LURAP1L: variants seen among roughly 807,000 people sequenced by gnomAD.
The protein encoded by LURAP1L is leucine rich adaptor protein 1-like.
A neutral mutation model predicts 13.8 loss-of-function variants in LURAP1L; 12 were observed. That is an observed-to-expected ratio of 0.87 (90% CI 0.56 to 1.41). LURAP1L has a LOEUF of 1.41. Among genes scored for constraint, LURAP1L ranks in the 40% most tolerant of loss-of-function variants. LURAP1L has a pLI of 0.00. For synonymous variants in LURAP1L, 139 were observed against 119.2 expected, an observed-to-expected ratio of 1.17 and a Z score of -1.08; for missense variants, 375 against 292.9, an observed-to-expected ratio of 1.28 and a Z score of -2.04.
chr9:12,783,519 T>G (rs1027524369), intron 1 of LURAP1L, among the ~76,000 whole-genome samples: 1 of 152,236 alleles, frequency 6.6e-6, no homozygotes, highest in African/African-American at 2.4e-5. Context: ...GATTTGCATA[T>G]GTTGAACAGT....
At chr9:12,776,458 T>C (rs1819185569) in intron 1 of LURAP1L, among the ~76,000 whole-genome samples, 1 of 152,104 alleles carries the variant, frequency 6.6e-6, no homozygotes, top group Admixed American at 6.5e-5. Context: ...GCAAAAATAC[T>C]TCCTGGTTTG....
At position 12,822,380 on chromosome 9, in the gene LURAP1L, A is replaced by T. The variant is rs1819893504; in HGVS notation, c.*620A>T. On this transcript the variant is annotated 3_prime_UTR_variant, in exon 2 of 2. Coordinates refer to ENST00000319264, the MANE Select transcript of LURAP1L (RefSeq NM_203403.2). ...CACCCTTGTGTTGGTACTTTAGATTAACATTTTGTCATCAGTGATTCTAAC... is the reference window on the plus strand; with the variant it reads ...CACCCTTGTGTTGGTACTTTAGATTTACATTTTGTCATCAGTGATTCTAAC... Among the ~76,000 whole-genome samples the T allele has an allele frequency of 6.6e-6, 1 of 152,208 alleles. No homozygotes were observed. Among genetic ancestry groups the T allele is most frequent in the Admixed American group, 6.5e-5 (1 of 15,280 alleles).
At chr9:12,805,049 G>T (rs1229376691) in intron 1 of LURAP1L, among the ~76,000 whole-genome samples, 1 of 152,046 alleles carries the variant, frequency 6.6e-6, no homozygotes, top group African/African-American at 2.4e-5. Flanking sequence ...TAAGTTAAAT[G>T]ATGTTTATTT....
chr9:12,811,570 C>T (rs1819736610), intron 1 of LURAP1L, among the ~76,000 whole-genome samples: 1 of 152,162 alleles, frequency 6.6e-6, no homozygotes, highest in African/African-American at 2.4e-5. Flanking sequence ...TAACTACTTA[C>T]TCTATTTGTT....
At chr9:12,820,722 T>G (rs1819867615) in intron 1 of LURAP1L, among the ~76,000 whole-genome samples, 1 of 152,100 alleles carries the variant, frequency 6.6e-6, no homozygotes, top group Non-Finnish European at 1.5e-5. Flanking sequence ...ATTAGAGCAA[T>G]TTGGTTCTTA....
chr9:12,813,063 G>T (rs1255129209), intron 1 of LURAP1L, among the ~76,000 whole-genome samples: 1 of 151,992 alleles, frequency 6.6e-6, no homozygotes, highest in Non-Finnish European at 1.5e-5. Flanking sequence ...AAGCCCTAAG[G>T]GGTAAAATGC....
chr9:12,787,783 A>G (rs879841808), intron 1 of LURAP1L, among the ~76,000 whole-genome samples: 1 of 152,174 alleles, frequency 6.6e-6, no homozygotes, highest in African/African-American at 2.4e-5. Context: ...TCATACGTTC[A>G]TAATTTATGA....
In LURAP1L at chr9:12,821,729, A is replaced by C; in HGVS notation, c.656A>C (p.Lys219Thr). ...EDSQALHKRP[K>T]LDSEYYCFG ...TCACAGGCACTACACAAGCGTCCTA[A>C]ATTGGATTCTGAATACTACTGCTTT... The change falls in exon 2 of 2, where the codon AAA becomes ACA. Residue 219 changes from lysine to threonine, a missense_variant. Coordinates refer to ENST00000319264, the MANE Select transcript of LURAP1L (RefSeq NM_203403.2). The C allele has an allele frequency of 6.2e-6, 10 of 1,613,946 alleles. No homozygotes were observed. Among genetic ancestry groups the C allele is most frequent in the Non-Finnish European group, 8.5e-6 (10 of 1,179,864 alleles).
In LURAP1L at chr9:12,775,956, TC is replaced by T. The variant is rs774319753; in HGVS notation, c.245del (p.Pro82HisfsTer12). 3 of 1,593,128 alleles carry T rather than the reference TC, an allele frequency of 1.9e-6. No homozygotes were observed. Among genetic ancestry groups the T allele is most frequent in the Non-Finnish European group, 8.5e-7 (1 of 1,169,986 alleles). ...SSSSSSPTSG[S>X]PRGSHSSALE... is the part of the protein sequence containing the mutation. ...CTCTTCGTCCTCCCCAACCTCTGGCTCCCCACGAGGTAGCCACTCTAGCGCC... is the reference window on the plus strand; with the variant it reads ...CTCTTCGTCCTCCCCAACCTCTGGCTCCCACGAGGTAGCCACTCTAGCGCC... On this transcript the variant is annotated frameshift_variant, in exon 1 of 2. Coordinates refer to ENST00000319264, the MANE Select transcript of LURAP1L (RefSeq NM_203403.2). LOFTEE classifies it high-confidence loss of function.
At chr9:12,815,035 C>A (rs1431176906) in intron 1 of LURAP1L, among the ~76,000 whole-genome samples, 1 of 152,098 alleles carries the variant, frequency 6.6e-6, no homozygotes, top group African/African-American at 2.4e-5. Context: ...CATTCCAAAC[C>A]AAAAACAGTG....
intron 1 of LURAP1L, among the ~76,000 whole-genome samples, chr9:12,796,716 A>G (rs893627570): frequency 1.1e-4 from 16 of 152,042 alleles, no homozygotes; most frequent in African/African-American, 3.6e-4. Flanking sequence ...GAGTGCATAA[A>G]TGCTGTATTT....
At chr9:12,805,166 C>A (rs532091675) in intron 1 of LURAP1L, among the ~76,000 whole-genome samples, 136 of 152,176 alleles carry the variant, frequency 8.9e-4, no homozygotes, top group Admixed American at 1.2e-3. Flanking sequence ...TCTGAGGCAG[C>A]ATTTTTATCT....
chr9:12,791,037 G>C (rs957401074), intron 1 of LURAP1L, among the ~76,000 whole-genome samples: 4 of 152,090 alleles, frequency 2.6e-5, no homozygotes, highest in African/African-American at 9.7e-5. Context: ...ACAGCCCTCA[G>C]TATAGACTTG....
rs935790832 is a variant in LURAP1L at position 12,775,998 on chromosome 9, A to G, written c.283A>G (p.Thr95Ala). 10 of 1,611,316 alleles carry G rather than the reference A, an allele frequency of 6.2e-6. No individual in the cohort carries two copies. The highest frequency in any genetic ancestry group is 8.5e-6 in the Non-Finnish European group (10 of 1,179,156). Reference protein sequence around the residue: ...SHSSALERLETKLHLLRQEMV... With the variant: ...SHSSALERLEAKLHLLRQEMV... Reference sequence around the variant, plus strand: ...CTCTAGCGCCCTGGAGAGGCTAGAAACCAAGCTTCACCTCCTCAGGCAAGA... The same window carrying G: ...CTCTAGCGCCCTGGAGAGGCTAGAAGCCAAGCTTCACCTCCTCAGGCAAGA... The change falls in exon 1 of 2, where the codon ACC becomes GCC. Residue 95 changes from threonine (T) to alanine (A), a missense_variant. Transcript: ENST00000319264.
intron 1 of LURAP1L, among the ~76,000 whole-genome samples, chr9:12,788,762 T>A (rs1418407138): frequency 6.6e-6 from 1 of 150,792 alleles, no homozygotes; most frequent in African/African-American, 2.4e-5. Context: ...GGTTATAGGT[T>A]ACTTTCTTTT....
chr9:12,781,337 A>G (rs562882041), intron 1 of LURAP1L, among the ~76,000 whole-genome samples: 1 of 152,258 alleles, frequency 6.6e-6, no homozygotes, highest in East Asian at 1.9e-4. Flanking sequence ...GTACTACCAA[A>G]CGTTAGCTCT....
chr9:12,790,178 C>G (rs554060025), intron 1 of LURAP1L, among the ~76,000 whole-genome samples: 2 of 152,036 alleles, frequency 1.3e-5, no homozygotes, highest in Non-Finnish European at 2.9e-5. Context: ...GGACAAAATT[C>G]TCTATACATG....
Position 12,821,589 on chromosome 9 carries a change from T to G in LURAP1L, c.516T>G (p.Asp172Glu). ...ACAACAGCCTACACGATGGCAGTGA[T>G]GGGCTGGATGGCATTTCCGTGGGAA... ...GSYNSLHDGS[D>E]GLDGISVGSY... is the part of the protein sequence containing the mutation. The change falls in exon 2 of 2, where the codon GAT (aspartate) becomes GAG (glutamate). Residue 172 changes from aspartate to glutamate, a missense_variant. Transcript: ENST00000319264. 6.2e-7 allele frequency: 1 copy of G among 1,614,182 alleles called. No individual in the cohort carries two copies. Among genetic ancestry groups the G allele is most frequent in the Non-Finnish European group, 8.5e-7 (1 of 1,180,030 alleles).
chr9:12,805,702 T>C (rs1472174524), intron 1 of LURAP1L, among the ~76,000 whole-genome samples: 1 of 152,214 alleles, frequency 6.6e-6, no homozygotes, highest in African/African-American at 2.4e-5. Flanking sequence ...TTGCTAATTA[T>C]TGTCATTCCA....
Sources: gnomAD v4.1 joint callset for allele counts (sites outside exome capture counted in the v4.1 genomes callset) on GRCh38, gnomAD v4.1.1 for gene constraint, MANE v1.5 for transcripts, NCBI Gene and HGNC (gene_info 2026-07-23, HGNC 2026-07-21) for gene names.